The following ENOX1 variants were observed in gnomAD, a reference collection of about 807,000 sequenced individuals.
The protein encoded by ENOX1 is ecto-NOX disulfide-thiol exchanger 1.
Under a neutral mutation model 82.5 loss-of-function variants are expected in ENOX1, and 42 were observed. That is an observed-to-expected ratio of 0.51 (90% CI 0.40 to 0.66). ENOX1 has a LOEUF of 0.66. Ranked by LOEUF, ENOX1 falls within the 30% of genes least tolerant of loss-of-function variation. ENOX1 has a pLI of 0.00. For missense variants in ENOX1, 608 were observed against 811.6 expected, an observed-to-expected ratio of 0.75 and a Z score of 3.05; for synonymous variants, 271 against 282.2, an observed-to-expected ratio of 0.96 and a Z score of 0.40.
At chr13:43,586,062 C>T (rs9805221) in intron 2 of ENOX1, among the ~76,000 whole-genome samples, 60,639 of 151,946 alleles carry the variant, frequency 0.4, 13,274 homozygotes, top group Non-Finnish European at 0.51. Flanking sequence ...TTTCCTAAAG[C>T]GTCTATGTTC....
rs773097948 is a variant in ENOX1 at position 43,356,049 on chromosome 13, C to T, written c.693G>A (p.Lys231=). The T allele has an allele frequency of 3.1e-5, 50 of 1,614,208 alleles. No homozygotes were observed. The South Asian group carries it at 5.1e-4, about 16-fold the overall frequency. Residue 231 remains lysine, a synonymous_variant, in exon 8 of 17, where the codon AAG becomes AAA. Coordinates refer to ENST00000690772, the MANE Select transcript of ENOX1 (RefSeq NM_001347969.2). ...ARDDFYEWEC[K]QRMRAREERH... ...GCTCCTCCCGGGCACGCATCCTCTGCTTGCATTCCCACTCATAGAAGTCAT... is the reference window on the plus strand; with the variant it reads ...GCTCCTCCCGGGCACGCATCCTCTGTTTGCATTCCCACTCATAGAAGTCAT...
intron 2 of ENOX1, among the ~76,000 whole-genome samples, chr13:43,510,136 T>C (rs1276773679): frequency 6.6e-6 from 1 of 151,988 alleles, no homozygotes; most frequent in Admixed American, 6.6e-5. Flanking sequence ...AATCTATAAA[T>C]ATTATAGGAC....
At chr13:43,380,357 T>C (rs1488719159) in intron 5 of ENOX1, among the ~76,000 whole-genome samples, 3 of 148,216 alleles carry the variant, frequency 2.0e-5, no homozygotes, top group South Asian at 2.1e-4. Context: ...TTATGATATA[T>C]ATAGAAGTAA....
At chr13:43,619,707 G>C (rs2082640627) in intron 2 of ENOX1, among the ~76,000 whole-genome samples, 1 of 152,064 alleles carries the variant, frequency 6.6e-6, no homozygotes, top group African/African-American at 2.4e-5. Context: ...TCGGTCTGTA[G>C]TTTTCTTTTT....
chr13:43,431,981 C>T (rs2055699951), intron 3 of ENOX1, among the ~76,000 whole-genome samples: 1 of 152,142 alleles, frequency 6.6e-6, no homozygotes, highest in Non-Finnish European at 1.5e-5. Context: ...GCCTTATACC[C>T]CAGAGCTTAA....
intron 11 of ENOX1, among the ~76,000 whole-genome samples, chr13:43,313,436 T>C (rs910180020): frequency 1.3e-5 from 2 of 152,250 alleles, no homozygotes; most frequent in African/African-American, 4.8e-5. Context: ...CTTACTATTC[T>C]TGACTTTCCA....
Position 43,756,473 on chromosome 13 carries a change from GAGGGGAGGGGA to G in ENOX1, c.-285+30168_-285+30178del, listed in dbSNP as rs1283441082. ...TTGAGGAGGGGTGAGGAGGGGAGGG[GAGGGGAGGGGA>G]AGGGGAGGGGAAGGGAGAGAGGGAA... On this transcript the variant is annotated intron_variant, in intron 1 of 16. Coordinates refer to ENST00000690772, the MANE Select transcript of ENOX1 (RefSeq NM_001347969.2). 1.4e-3 allele frequency among the ~76,000 whole-genome samples: 190 copies of G among 135,446 alleles called. 2 individuals are homozygous for G. Among genetic ancestry groups the G allele is most frequent in the East Asian group, 4.5e-3 (18 of 4,034 alleles). The allele number at this position is 135,446 out of a possible 152,430, so 88.9% of individuals were successfully genotyped here. A position where few individuals can be genotyped will look rare whatever the true frequency, so the allele number is the denominator to read the frequency against.
chr13:43,242,112 T>A (rs535802741), intron 14 of ENOX1, among the ~76,000 whole-genome samples: 5 of 152,346 alleles, frequency 3.3e-5, no homozygotes, highest in Admixed American at 1.3e-4. Flanking sequence ...AGCTTTTTCA[T>A]CAGTCACTCC....
At chr13:43,705,363 G>A (rs1011912696) in intron 1 of ENOX1, among the ~76,000 whole-genome samples, 114 of 1,792 alleles carry the variant, frequency 0.064, no homozygotes, top group African/African-American at 0.15. Flanking sequence ...ATATATATAT[G>A]TAACACTCCA....
intron 3 of ENOX1, among the ~76,000 whole-genome samples, chr13:43,418,386 G>A (rs2054761879): frequency 6.6e-6 from 1 of 152,026 alleles, no homozygotes; most frequent in Non-Finnish European, 1.5e-5. Context: ...AAATTAGCTG[G>A]GTGTGGTGGT....
At chr13:43,627,917 C>T (rs371708150) in intron 2 of ENOX1, among the ~76,000 whole-genome samples, 12 of 152,018 alleles carry the variant, frequency 7.9e-5, no homozygotes, top group African/African-American at 2.9e-4. Flanking sequence ...TCTTTCAGCA[C>T]TTGAAAAATA....
chr13:43,744,596 C>A (rs1164519302), intron 1 of ENOX1, among the ~76,000 whole-genome samples: 1 of 152,156 alleles, frequency 6.6e-6, no homozygotes, highest in Non-Finnish European at 1.5e-5. Flanking sequence ...AAACAAGCAA[C>A]CCAAATGTAA....
intron 1 of ENOX1, among the ~76,000 whole-genome samples, chr13:43,743,873 G>C (rs1195370768): frequency 2.6e-5 from 4 of 152,128 alleles, no homozygotes; most frequent in African/African-American, 7.2e-5. Context: ...CATCTGGTCA[G>C]GGACTTCTTG....
chr13:43,500,158 A>G (rs2076931477), intron 2 of ENOX1, among the ~76,000 whole-genome samples: 2 of 152,252 alleles, frequency 1.3e-5, no homozygotes, highest in Admixed American at 1.3e-4. Context: ...GACACTCAGA[A>G]GAAGAGAAAA....
intron 9 of ENOX1, among the ~76,000 whole-genome samples, chr13:43,334,847 T>C (rs1204161449): frequency 6.6e-6 from 1 of 152,126 alleles, no homozygotes; most frequent in East Asian, 1.9e-4. Flanking sequence ...TAAAAGTCAT[T>C]GAATAAGCCT....
chr13:43,465,927 T>A (rs2057698801), intron 3 of ENOX1, among the ~76,000 whole-genome samples: 1 of 152,216 alleles, frequency 6.6e-6, no homozygotes, highest in Non-Finnish European at 1.5e-5. Flanking sequence ...TTTCTGTTAC[T>A]TTAAAATAAT....
rs1952601544 is a variant in ENOX1 at position 43,786,188 on chromosome 13, G to C, written c.-285+464C>G. ...CCAAGGCTGGAGGAAAAGGGATGCA[G>C]AGCGGGAGGGTGAAAACCTGAAAGA... On this transcript the variant is annotated intron_variant, in intron 1 of 16. Coordinates refer to ENST00000690772, the MANE Select transcript of ENOX1 (RefSeq NM_001347969.2). The surrounding 1 kb of genome is among the most constrained non-coding windows in gnomAD (Gnocchi z 6.0). 6.6e-6 allele frequency among the ~76,000 whole-genome samples: 1 copy of C among 152,210 alleles called. No homozygotes were observed.
At chr13:43,727,723 C>A (rs192659902) in intron 1 of ENOX1, among the ~76,000 whole-genome samples, 237 of 152,248 alleles carry the variant, frequency 1.6e-3, no homozygotes, top group African/African-American at 5.0e-3. Context: ...ACTGCCCCCA[C>A]CTCTAAATAA....
chr13:43,432,194 C>T (rs925210879), intron 3 of ENOX1, among the ~76,000 whole-genome samples: 2 of 152,126 alleles, frequency 1.3e-5, no homozygotes, highest in Non-Finnish European at 2.9e-5. Context: ...CTATGGCAGT[C>T]GTCTCCTGAT....
Sources: gnomAD v4.1 joint callset for allele counts (sites outside exome capture counted in the v4.1 genomes callset) on GRCh38, gnomAD v4.1.1 for gene constraint, Gnocchi (gnomAD v3.1) non-coding constraint, MANE v1.5 for transcripts, NCBI Gene and HGNC (gene_info 2026-07-23, HGNC 2026-07-21) for gene names.